EXOC6B: variants seen among roughly 807,000 people sequenced by gnomAD.
EXOC6B encodes SEC15 homolog B.
Under a neutral mutation model 113.5 loss-of-function variants are expected in EXOC6B, and 54 were observed. The observed-to-expected ratio is 0.48, with a 90% CI of 0.38 to 0.60. The LOEUF (loss-of-function observed/expected upper bound fraction) is 0.60. Among genes scored for constraint, EXOC6B ranks in the 20% least tolerant of loss-of-function variants. EXOC6B has a pLI of 0.00. For synonymous variants in EXOC6B, 357 were observed against 339.0 expected (o/e 1.05, Z -0.58); for missense variants, 797 against 977.5 (o/e 0.82, Z 2.46).
At chr2:72,397,163 T>C (rs1398574386) in intron 18 of EXOC6B, among the ~76,000 whole-genome samples, 4 of 152,134 alleles carry the variant, frequency 2.6e-5, no homozygotes, top group African/African-American at 4.8e-5. Flanking sequence ...CTTTCTCCTC[T>C]TCCTTCTTTC....
intron 20 of EXOC6B, among the ~76,000 whole-genome samples, chr2:72,269,620 G>A (rs1247329741): frequency 1.3e-5 from 2 of 152,102 alleles, no homozygotes; most frequent in Non-Finnish European, 2.9e-5. Flanking sequence ...AGACCAGCCT[G>A]GGGAACAGAG....
intron 6 of EXOC6B, among the ~76,000 whole-genome samples, chr2:72,590,611 A>C (rs1705879175): frequency 6.6e-6 from 1 of 151,996 alleles, no homozygotes; most frequent in Admixed American, 6.6e-5. Flanking sequence ...ACTGCCTAGC[A>C]CTGTAACTAG....
chr2:72,183,217 A>G (rs565092540), intron 21 of EXOC6B, among the ~76,000 whole-genome samples: 1 of 152,260 alleles, frequency 6.6e-6, no homozygotes, highest in South Asian at 2.1e-4. Flanking sequence ...TAGACTTCCT[A>G]CACTGCCTAG....
intron 20 of EXOC6B, among the ~76,000 whole-genome samples, chr2:72,280,374 G>C (rs200804937): frequency 6.6e-6 from 1 of 151,744 alleles, no homozygotes; most frequent in African/African-American, 2.4e-5. Context: ...AAAATGTCAA[G>C]ATAACACAGA....
intron 19 of EXOC6B, among the ~76,000 whole-genome samples, chr2:72,366,326 C>T (rs1241002620): frequency 1.3e-5 from 2 of 148,200 alleles, no homozygotes; most frequent in South Asian, 2.1e-4. Context: ...AATAGATAAA[C>T]AGCAGATTAG....
chr2:72,473,106 A>G (rs997435914), intron 17 of EXOC6B, among the ~76,000 whole-genome samples: 1 of 152,144 alleles, frequency 6.6e-6, no homozygotes, highest in African/African-American at 2.4e-5. Flanking sequence ...TATATGGTCT[A>G]TCTTGGAGAA....
At chr2:72,440,822 A>G (rs1310669650) in intron 18 of EXOC6B, among the ~76,000 whole-genome samples, 1 of 152,210 alleles carries the variant, frequency 6.6e-6, no homozygotes, top group East Asian at 1.9e-4. Flanking sequence ...CTCAAAATAA[A>G]GGGATGGAGG....
intron 20 of EXOC6B, among the ~76,000 whole-genome samples, chr2:72,320,867 A>AACAAATACATTAAACACAAAAGAAGAGAT (rs1409397838): frequency 1.3e-5 from 2 of 152,220 alleles, no homozygotes; most frequent in Non-Finnish European, 2.9e-5. Flanking sequence ...AAAATATTTG[A>AACAAATACATTAAACACAAAAGAAGAGAT]ACAAATACAT....
rs149190225 is a variant in EXOC6B, at chr2:72,326,455, C to T, written c.2196+8492G>A. 4.3e-3 allele frequency among the ~76,000 whole-genome samples: 657 copies of T among 152,102 alleles called. 5 individuals are homozygous for T. The highest frequency in any genetic ancestry group is 0.014 in the African/African-American group (576 of 41,518). Reference sequence around the variant, plus strand: ...GTTACCTAGGTCCCCTATGATACAGCGTGAGAGGATTGACAATGCTGTCTG... The same window carrying T: ...GTTACCTAGGTCCCCTATGATACAGTGTGAGAGGATTGACAATGCTGTCTG... On this transcript the variant is annotated intron_variant, in intron 20 of 21. Transcript: ENST00000272427.
At chr2:72,558,165 A>G (rs190483987) in intron 8 of EXOC6B, among the ~76,000 whole-genome samples, 1 of 152,306 alleles carries the variant, frequency 6.6e-6, no homozygotes, top group East Asian at 1.9e-4. Flanking sequence ...TTATATTCAA[A>G]TGTAAATACA....
chr2:72,488,396 T>C (rs1699547175), intron 16 of EXOC6B, among the ~76,000 whole-genome samples: 2 of 152,212 alleles, frequency 1.3e-5, no homozygotes, highest in East Asian at 3.9e-4. Context: ...TAAATATTTA[T>C]ATTCTCCCCA....
At chr2:72,382,411 A>G (rs1447301660) in intron 18 of EXOC6B, among the ~76,000 whole-genome samples, 1 of 152,164 alleles carries the variant, frequency 6.6e-6, no homozygotes, top group Admixed American at 6.6e-5. Flanking sequence ...TTGTACCAGT[A>G]CCATGCTGTT....
chr2:72,657,921 C>A (rs945717521), intron 6 of EXOC6B, among the ~76,000 whole-genome samples: 3 of 151,364 alleles, frequency 2.0e-5, no homozygotes, highest in Admixed American at 6.6e-5. Flanking sequence ...GTGGTCACTT[C>A]TAAGTATTAA....
chr2:72,471,492 CT>C (rs1178659679), intron 17 of EXOC6B, among the ~76,000 whole-genome samples: 1 of 152,070 alleles, frequency 6.6e-6, no homozygotes, highest in African/African-American at 2.4e-5. Flanking sequence ...TCAATTTTGT[CT>C]TTTGTTGCCA....
chr2:72,401,576 TATATAC>T (rs1439451962), intron 18 of EXOC6B, among the ~76,000 whole-genome samples: 14 of 25,908 alleles, frequency 5.4e-4, no homozygotes, highest in Non-Finnish European at 7.1e-4. Context: ...CATATATATA[TATATAC>T]ATATATATAT....
chr2:72,591,449 C>T (rs995489751), intron 6 of EXOC6B, among the ~76,000 whole-genome samples: 1 of 151,946 alleles, frequency 6.6e-6, no homozygotes, highest in Non-Finnish European at 1.5e-5. Flanking sequence ...CATCATATTC[C>T]TAAGAAACAA....
chr2:72,653,322 C>T (rs1385070923), intron 6 of EXOC6B, among the ~76,000 whole-genome samples: 3 of 141,062 alleles, frequency 2.1e-5, no homozygotes, highest in Non-Finnish European at 3.0e-5. Flanking sequence ...AACCAAACAC[C>T]GCATATTCTC....
intron 20 of EXOC6B, among the ~76,000 whole-genome samples, chr2:72,282,302 T>A (rs1685172246): frequency 6.6e-6 from 1 of 152,122 alleles, no homozygotes; most frequent in African/African-American, 2.4e-5. Flanking sequence ...AGGAATGGAA[T>A]AAATTGAATT....
At chr2:72,793,289 T>C (rs1353301194) in intron 1 of EXOC6B, among the ~76,000 whole-genome samples, 1 of 152,214 alleles carries the variant, frequency 6.6e-6, no homozygotes, top group Non-Finnish European at 1.5e-5. Context: ...GTGTGCATAT[T>C]GTGTTTCACG....
Sources: gnomAD v4.1 joint callset for allele counts (sites outside exome capture counted in the v4.1 genomes callset) on GRCh38, gnomAD v4.1.1 for gene constraint, MANE v1.5 for transcripts, NCBI Gene and HGNC (gene_info 2026-07-23, HGNC 2026-07-21) for gene names.